Variants in USP38 observed in about 807,000 individuals in gnomAD.
USP38 encodes the protein ubiquitin specific peptidase 38.
In USP38, 49 loss-of-function variants were observed where a neutral mutation model predicts 94.3. The ratio of observed to expected loss-of-function variants is 0.52; its 90% confidence interval spans 0.41 to 0.66. The LOEUF is 0.66. Among genes scored for constraint, USP38 ranks in the 30% least tolerant of loss-of-function variants. The probability of loss-of-function intolerance (pLI) is 0.00; values close to 1 mark genes in which losing one functional copy is unlikely to be tolerated. For missense variants in USP38, 1,128 were observed against 1,229.4 expected (o/e 0.92, Z 1.23); for synonymous variants, 468 against 463.6 (o/e 1.01, Z -0.12).
At chr4:143,194,637 A>C (rs1192968848) in intron 2 of USP38, among the ~76,000 whole-genome samples, 1 of 152,110 alleles carries the variant, frequency 6.6e-6, no homozygotes, top group East Asian at 1.9e-4. Flanking sequence ...CCTCCCGAGT[A>C]GCTGGGATTA....
At chr4:143,208,252 A>G (rs1160110152) in intron 6 of USP38, among the ~76,000 whole-genome samples, 1 of 152,112 alleles carries the variant, frequency 6.6e-6, no homozygotes, top group Non-Finnish European at 1.5e-5. Flanking sequence ...GATTTAATAA[A>G]TAAGTTAAAT....
chr4:143,199,285 G>T (rs774943161), intron 4 of USP38, among the ~76,000 whole-genome samples: 1 of 151,954 alleles, frequency 6.6e-6, no homozygotes, highest in Non-Finnish European at 1.5e-5. Flanking sequence ...TAATAGCCTC[G>T]CCCTCCATCC....
intron 5 of USP38, among the ~76,000 whole-genome samples, chr4:143,203,853 A>G (rs904275533): frequency 6.6e-6 from 1 of 152,202 alleles, no homozygotes; most frequent in African/African-American, 2.4e-5. Context: ...TGCTACGTTA[A>G]GTTAATGCAT....
At position 143,203,441 on chromosome 4, in the gene USP38, T is replaced by C. The variant is rs762787602; in HGVS notation, c.1084T>C (p.Phe362Leu). 1.2e-6 allele frequency: 2 copies of C among 1,613,006 alleles called. No homozygotes were observed. The highest frequency in any genetic ancestry group is 3.3e-4 in the Middle Eastern group (2 of 6,052). ...TCATGTGGTTAATTTGGTTCATTCT[T>C]TCAAAAATGATGGTCTGCCTTCAAG... is the stretch of plus-strand genomic sequence containing the variant. ...VPHVVNLVHS[F>L]KNDGLPSSTA... is the part of the protein sequence containing the mutation. Residue 362 changes from phenylalanine to leucine, a missense_variant, in exon 5 of 10, where the codon TTC (phenylalanine) becomes CTC (leucine). By Grantham distance (22) the Phe-to-Leu change is conservative. Transcript: ENST00000307017.
chr4:143,189,739 T>A (rs1731340831), intron 2 of USP38, among the ~76,000 whole-genome samples: 2 of 152,044 alleles, frequency 1.3e-5, no homozygotes. Context: ...TTGAGAAAAC[T>A]CTTATGTAAA....
In USP38 at chr4:143,186,215, C is replaced by T. The variant is rs963279235; in HGVS notation, c.682+83C>T. 4.3e-6 allele frequency: 6 copies of T among 1,402,058 alleles called. No individual in the cohort carries two copies. The African/African-American group carries it at 4.3e-5, about 10-fold the overall frequency. 86.9% of individuals were successfully genotyped at this position (1,402,058 alleles called of 1,614,324 possible). ...ACACACACATTCACACCATGTTTTC[C>T]TCCTGCCCTAAAAACATTCTTAAGC... On this transcript the variant is annotated intron_variant, in intron 1 of 9. Coordinates refer to ENST00000307017, the MANE Select transcript of USP38 (RefSeq NM_032557.6).
At chr4:143,204,934 A>C (rs752467948) in intron 5 of USP38, among the ~76,000 whole-genome samples, 18 of 152,194 alleles carry the variant, frequency 1.2e-4, no homozygotes, top group Non-Finnish European at 2.4e-4. Context: ...ATCATTAACT[A>C]AATCAAACTT....
intron 7 of USP38, among the ~76,000 whole-genome samples, chr4:143,210,829 A>G (rs1225920872): frequency 6.6e-6 from 1 of 152,028 alleles, no homozygotes; most frequent in Non-Finnish European, 1.5e-5. Flanking sequence ...AAGCTGAGAA[A>G]TATCTCAAAT....
Position 143,212,361 on chromosome 4 carries a change from C to T in USP38, c.1541C>T (p.Pro514Leu). 6.2e-7 allele frequency: 1 copy of T among 1,612,406 alleles called. No individual in the cohort carries two copies. The highest frequency in any genetic ancestry group is 8.5e-7 in the Non-Finnish European group (1 of 1,179,100). Residue 514 changes from proline (P) to leucine (L), a missense_variant, in exon 8 of 10, where the codon CCT becomes CTT. Coordinates refer to ENST00000307017, the MANE Select transcript of USP38 (RefSeq NM_032557.6). ...APRIFFEASR[P>L]PWFTPRSQQD... Reference sequence around the variant, plus strand: ...CGGATATTCTTTGAGGCTTCCAGACCTCCATGGTTTACTCCCAGATCACAG... The same window carrying T: ...CGGATATTCTTTGAGGCTTCCAGACTTCCATGGTTTACTCCCAGATCACAG...
chr4:143,207,337 A>G lies in USP38; in HGVS notation c.1403+1111A>G, dbSNP rs150270071. 1.3e-3 allele frequency among the ~76,000 whole-genome samples: 199 copies of G among 152,324 alleles called. 2 individuals are homozygous for G. The Middle Eastern group carries it at 0.017, about 13-fold the overall frequency. On this transcript the variant is annotated intron_variant, in intron 6 of 9. Coordinates refer to ENST00000307017, the MANE Select transcript of USP38 (RefSeq NM_032557.6). ...GGTGGATCATGAGGTCAGGAATTTG[A>G]GACCAGCCTGACCAACATGGTGAAA...
chr4:143,220,561 T>TA lies in USP38; in HGVS notation c.*106dup. The TA allele has an allele frequency of 8.6e-7, 1 of 1,163,308 alleles. No homozygotes were observed. The highest frequency in any genetic ancestry group is 2.8e-5 in the South Asian group (1 of 35,894). The allele number at this position is 1,163,308 out of a possible 1,614,324, so 72.1% of individuals were successfully genotyped here. A position where few individuals can be genotyped will look rare whatever the true frequency, so the allele number is the denominator to read the frequency against. ...TATCTTTTATTTTTCATTAGACCCTTATACTTCAAGAGAACACACTCAGTG... is the reference window on the plus strand; with the variant it reads ...TATCTTTTATTTTTCATTAGACCCTTAATACTTCAAGAGAACACACTCAGTG... On this transcript the variant is annotated 3_prime_UTR_variant, in exon 10 of 10. Coordinates refer to ENST00000307017, the MANE Select transcript of USP38 (RefSeq NM_032557.6).
chr4:143,185,610 G>T lies in USP38; in HGVS notation c.160G>T (p.Asp54Tyr). The T allele has an allele frequency of 1.2e-6, 2 of 1,614,204 alleles. No homozygotes were observed. The highest frequency in any genetic ancestry group is 1.7e-6 in the Non-Finnish European group (2 of 1,180,040). The stretch of plus-strand genomic sequence containing the variant: ...GACCCGGCTCATCCTGGAGGGCCAG[G>T]ACCCTTTCCAGCGGCAGGTGGGGCA... ...LTTRLILEGQ[D>Y]PFQRQVGHQV... Residue 54 changes from aspartate to tyrosine, a missense_variant, in exon 1 of 10, where the codon GAC becomes TAC. Asp to Tyr is a radical substitution (Grantham distance 160). Transcript: ENST00000307017.
chr4:143,220,414 G>A lies in USP38; in HGVS notation c.3087G>A (p.Gly1029=), dbSNP rs777031723. 1.9e-6 allele frequency: 3 copies of A among 1,613,206 alleles called. No individual in the cohort carries two copies. Among genetic ancestry groups the A allele is most frequent in the East Asian group, 2.2e-5 (1 of 44,830 alleles). ...GAAGCTGTGGACCAACTGGTGGAGGGGGTGGAGGAGGATTTAATACAGTTG... is the reference window on the plus strand; with the variant it reads ...GAAGCTGTGGACCAACTGGTGGAGGAGGTGGAGGAGGATTTAATACAGTTG... ...PPGSCGPTGG[G]GGGGFNTVGR... The change falls in exon 10 of 10, where the codon GGG becomes GGA. Residue 1029 remains glycine (G), a synonymous_variant. Coordinates refer to ENST00000307017, the MANE Select transcript of USP38 (RefSeq NM_032557.6).
chr4:143,223,829 T>C lies in USP38; in HGVS notation c.*3373T>C, dbSNP rs1732381807. The stretch of plus-strand genomic sequence containing the variant: ...TTTCTCATAAAAATGTGATAGTTTA[T>C]ATATCCTTTCATCATACGTTTTTTC... On this transcript the variant is annotated 3_prime_UTR_variant, in exon 10 of 10. Transcript: ENST00000307017. 1 of 152,132 alleles carries C rather than the reference T, an allele frequency of 6.6e-6. No individual in the cohort carries two copies. Among genetic ancestry groups the C allele is most frequent in the South Asian group, 2.1e-4 (1 of 4,836 alleles). 9.4% of individuals were successfully genotyped at this position (152,132 alleles called of 1,614,324 possible). A position where few individuals can be genotyped will look rare whatever the true frequency, so the allele number is the denominator to read the frequency against.
intron 4 of USP38, among the ~76,000 whole-genome samples, chr4:143,200,810 C>G (rs1731692566): frequency 6.6e-6 from 1 of 152,072 alleles, no homozygotes; most frequent in African/African-American, 2.4e-5. Flanking sequence ...CCTAGGAATA[C>G]AGCTAACCAG....
chr4:143,204,643 A>C (rs1731810697), intron 5 of USP38: 2 of 311,312 alleles, frequency 6.4e-6, no homozygotes, highest in South Asian at 5.0e-5. Flanking sequence ...CATCCTCCCA[A>C]AGTGCTGGGA....
intron 2 of USP38, among the ~76,000 whole-genome samples, chr4:143,191,229 C>A (rs548335159): frequency 6.6e-6 from 1 of 152,192 alleles, no homozygotes; most frequent in South Asian, 2.1e-4. Flanking sequence ...CATAGAAATG[C>A]AAATGCAAAT....
chr4:143,190,933 T>C (rs1041722589), intron 2 of USP38, among the ~76,000 whole-genome samples: 4 of 152,144 alleles, frequency 2.6e-5, no homozygotes, highest in Non-Finnish European at 5.9e-5. Context: ...AAAACAGTTA[T>C]AGTACCCAAT....
chr4:143,187,916 C>A lies in USP38; in HGVS notation c.773C>A (p.Thr258Lys), dbSNP rs1718617009. 2 of 1,613,584 alleles carry A rather than the reference C, an allele frequency of 1.2e-6. No individual in the cohort carries two copies. Among genetic ancestry groups the A allele is most frequent in the Non-Finnish European group, 1.7e-6 (2 of 1,179,744 alleles). ...ACAGTTCTCATCAGGAGCCTTACTA[C>A]GGATCCAAATGTAAAAGATGCAAGT... ...MITVLIRSLTTDPNVKDASMT... is the reference protein window; with the variant it reads ...MITVLIRSLTKDPNVKDASMT... Residue 258 changes from threonine (T) to lysine (K), a missense_variant, in exon 2 of 10, where the codon ACG (threonine) becomes AAG (lysine). Coordinates refer to ENST00000307017, the MANE Select transcript of USP38 (RefSeq NM_032557.6).
Sources: gnomAD v4.1 joint callset for allele counts (sites outside exome capture counted in the v4.1 genomes callset) on GRCh38, gnomAD v4.1.1 for gene constraint, MANE v1.5 for transcripts, NCBI Gene and HGNC (gene_info 2026-07-23, HGNC 2026-07-21) for gene names.